Variants in TMCO5A observed in about 807,000 individuals in gnomAD.
The protein encoded by TMCO5A is transmembrane and coiled-coil domain-containing protein 5A.
In TMCO5A, 34 loss-of-function variants were observed where a neutral mutation model predicts 42.3. The observed-to-expected ratio is 0.80, with a 90% CI of 0.61 to 1.07. The LOEUF (loss-of-function observed/expected upper bound fraction) is 1.07, where lower values mean the gene tolerates loss of function less well. TMCO5A is among the 50% of genes least tolerant of loss of function. The probability of loss-of-function intolerance (pLI) is 0.00; values close to 1 mark genes in which losing one functional copy is unlikely to be tolerated. For missense variants in TMCO5A, 357 were observed against 327.9 expected, an observed-to-expected ratio of 1.09 and a Z score of -0.69; for synonymous variants, 131 against 115.6, an observed-to-expected ratio of 1.13 and a Z score of -0.86.
At chr15:37,970,804 G>T (rs1378948719), downstream of TMCO5A, among the ~76,000 whole-genome samples, 1 of 151,754 alleles carries the variant, frequency 6.6e-6, no homozygotes, top group Non-Finnish European at 1.5e-5. Flanking sequence ...GCTCCAAAAT[G>T]ATCTCCTTTG....
chr15:38,006,030 A>G, the TMCO5A span, among the ~76,000 whole-genome samples: 1 of 152,200 alleles, frequency 6.6e-6, no homozygotes, highest in Non-Finnish European at 1.5e-5. Context: ...ATCTGTACCC[A>G]GTCTTAATTT....
downstream of TMCO5A, among the ~76,000 whole-genome samples, chr15:37,971,457 T>C (rs1283047487): frequency 6.6e-6 from 1 of 152,240 alleles, no homozygotes; most frequent in Non-Finnish European, 1.5e-5. Flanking sequence ...TGAAGACCTC[T>C]GACATGCTTA....
chr15:37,949,018 G>A (rs1224210200), intron 11 of TMCO5A, among the ~76,000 whole-genome samples: 3 of 151,924 alleles, frequency 2.0e-5, no homozygotes, highest in Admixed American at 6.6e-5. Flanking sequence ...AGGGTGAATA[G>A]TGAATTTGTC....
At chr15:37,983,727 T>TTG in the TMCO5A span, among the ~76,000 whole-genome samples, 7,247 of 150,342 alleles carry the variant, frequency 0.048, 588 homozygotes, top group African/African-American at 0.17. Context: ...CTGTTTTTTT[T>TTG]TTTGTTTTTT....
intron 7 of TMCO5A, among the ~76,000 whole-genome samples, 193 bp downstream of exon 7, chr15:37,941,398 A>G (rs920536684): frequency 5.9e-5 from 9 of 152,116 alleles, no homozygotes; most frequent in Non-Finnish European, 1.0e-4. Context: ...ATTTTTTTAC[A>G]GAATACACTC....
intron 11 of TMCO5A, among the ~76,000 whole-genome samples, chr15:37,963,025 G>A (rs1280351322): frequency 6.6e-6 from 1 of 151,722 alleles, no homozygotes; most frequent in South Asian, 2.1e-4. Context: ...TATTTCTTTT[G>A]TTGTTGTTGT....
the TMCO5A span, among the ~76,000 whole-genome samples, chr15:37,984,286 T>A: frequency 6.6e-6 from 1 of 151,948 alleles, no homozygotes; most frequent in Admixed American, 6.6e-5. Flanking sequence ...CTCTTCATAA[T>A]AATATAAGGA....
At chr15:37,970,931 C>G (rs976411837), downstream of TMCO5A, among the ~76,000 whole-genome samples, 4 of 152,200 alleles carry the variant, frequency 2.6e-5, no homozygotes, top group African/African-American at 9.6e-5. Context: ...CTTTCATGGC[C>G]TGGCATTGAG....
At chr15:37,975,804 C>T in the TMCO5A span, among the ~76,000 whole-genome samples, 1 of 151,180 alleles carries the variant, frequency 6.6e-6, no homozygotes, top group South Asian at 2.1e-4. Context: ...ATTGCCTAGG[C>T]TGCTTTATAG....
chr15:38,014,258 T>C, the TMCO5A span, among the ~76,000 whole-genome samples: 1 of 152,196 alleles, frequency 6.6e-6, no homozygotes, highest in Non-Finnish European at 1.5e-5. Flanking sequence ...TTCCTAAAAT[T>C]AAAGTCTCTT....
At chr15:37,941,076 A>T in intron 6 of TMCO5A, 73 bp from the exon 7 acceptor site, 1 of 1,474,634 alleles carries the variant, frequency 6.8e-7, no homozygotes, top group South Asian at 1.1e-5. Context: ...TCGTGAGGCC[A>T]CCTTGGTGAC....
chr15:37,937,829 C>T (rs748926149), intron 5 of TMCO5A, among the ~76,000 whole-genome samples: 11 of 152,132 alleles, frequency 7.2e-5, no homozygotes, highest in Non-Finnish European at 1.6e-4. Flanking sequence ...CCTCAGAATA[C>T]AGTGGGCTTC....
At chr15:38,039,829 C>A in the TMCO5A span, among the ~76,000 whole-genome samples, 4 of 152,222 alleles carry the variant, frequency 2.6e-5, no homozygotes, top group Non-Finnish European at 4.4e-5. Context: ...ATTATTATCT[C>A]AGTCTTCGTG....
chr15:37,936,802 A>C, intron 3 of TMCO5A, 45 bp from the exon 4 acceptor site: 3 of 1,607,020 alleles, frequency 1.9e-6, no homozygotes, highest in Non-Finnish European at 2.5e-6. Flanking sequence ...TCAGTTCTGA[A>C]ACTGCCAAGC....
the TMCO5A span, among the ~76,000 whole-genome samples, chr15:38,018,318 A>AAT: frequency 3.9e-5 from 6 of 152,324 alleles, no homozygotes; most frequent in African/African-American, 1.2e-4. Flanking sequence ...TAAAGCAAGA[A>AAT]ATAGGAGACA....
chr15:37,964,744 T>C (rs1890516874), intron 11 of TMCO5A, among the ~76,000 whole-genome samples: 1 of 152,064 alleles, frequency 6.6e-6, no homozygotes, highest in Non-Finnish European at 1.5e-5. Context: ...TGTAAAACAC[T>C]GATGAAAGAA....
the TMCO5A span, among the ~76,000 whole-genome samples, chr15:38,013,123 G>A: frequency 3.9e-5 from 6 of 152,130 alleles, no homozygotes; most frequent in African/African-American, 1.4e-4. Context: ...TGTCAGCAGA[G>A]GCTGCTGATG....
chr15:37,947,031 A>G (rs901397423), intron 10 of TMCO5A, among the ~76,000 whole-genome samples: 2 of 152,018 alleles, frequency 1.3e-5, no homozygotes, highest in African/African-American at 2.4e-5. Flanking sequence ...TGTTTTTTCA[A>G]TACCTAGTTT....
the TMCO5A span, among the ~76,000 whole-genome samples, chr15:38,031,966 T>C: frequency 6.6e-6 from 1 of 152,014 alleles, no homozygotes. Context: ...TTGCTTTTTT[T>C]TTTTTTTAGA....
Sources: gnomAD v4.1 joint callset for allele counts (sites outside exome capture counted in the v4.1 genomes callset) on GRCh38, gnomAD v4.1.1 for gene constraint, MANE v1.5 for transcripts, NCBI Gene and HGNC (gene_info 2026-07-23, HGNC 2026-07-21) for gene names.